Variants in EIF4EBP1 observed in about 807,000 individuals in gnomAD.
The protein encoded by EIF4EBP1 is eukaryotic translation initiation factor 4E binding protein 1.
A neutral mutation model predicts 9.2 loss-of-function variants in EIF4EBP1; 5 were observed. The ratio of observed to expected loss-of-function variants is 0.54; its 90% CI spans 0.28 to 1.14. The LOEUF (loss-of-function observed/expected upper bound fraction) is 1.14. Among genes scored for constraint, EIF4EBP1 ranks in the 50% most tolerant of loss-of-function variants. The probability of loss-of-function intolerance (pLI) is 0.09; values close to 1 mark genes in which losing one functional copy is unlikely to be tolerated. For missense variants in EIF4EBP1, 139 were observed against 169.6 expected, an observed-to-expected ratio of 0.82 and a Z score of 1.00; for synonymous variants, 62 against 67.0, an observed-to-expected ratio of 0.93 and a Z score of 0.36.
intron 1 of EIF4EBP1, among the ~76,000 whole-genome samples, chr8:38,052,503 C>T (rs1368370592): frequency 2.0e-5 from 3 of 151,982 alleles, no homozygotes; most frequent in African/African-American, 4.8e-5. Flanking sequence ...CCGAGGCAGG[C>T]GGATCACCTG....
chr8:38,057,986 A>G (rs1018653186), intron 2 of EIF4EBP1, among the ~76,000 whole-genome samples: 2 of 151,982 alleles, frequency 1.3e-5, no homozygotes, highest in East Asian at 1.9e-4. Flanking sequence ...GAACCCGCCG[A>G]CCCTTCACCC....
intron 1 of EIF4EBP1, among the ~76,000 whole-genome samples, chr8:38,032,568 G>C (rs1174445812): frequency 6.6e-6 from 1 of 152,210 alleles, no homozygotes; most frequent in Non-Finnish European, 1.5e-5. Context: ...GGGAAGTGGG[G>C]AGTGGGCAGG....
At chr8:38,051,607 T>C (rs988373542) in intron 1 of EIF4EBP1, among the ~76,000 whole-genome samples, 11 of 152,124 alleles carry the variant, frequency 7.2e-5, no homozygotes, top group African/African-American at 2.2e-4. Context: ...ATATTTTTTT[T>C]TATTTTTTTG....
At position 38,037,183 on chromosome 8, in the gene EIF4EBP1, A is replaced by T. The variant is rs7009909; in HGVS notation, c.145+6465A>T. 4.4e-3 allele frequency among the ~76,000 whole-genome samples: 671 copies of T among 152,128 alleles called. 9 individuals carry two copies. Among genetic ancestry groups the T allele is most frequent in the African/African-American group, 0.015 (628 of 41,516 alleles). Reference sequence around the variant, plus strand: ...GTTTGTTCCCTAGGTTAGCCAGGAAATTTTTTCTGAGCAGTCTTACTCATC... The same window carrying T: ...GTTTGTTCCCTAGGTTAGCCAGGAATTTTTTTCTGAGCAGTCTTACTCATC... On this transcript the variant is annotated intron_variant, in intron 1 of 2. Transcript: ENST00000338825.
chr8:38,039,017 T>G (rs1243724706), intron 1 of EIF4EBP1, among the ~76,000 whole-genome samples: 1 of 151,552 alleles, frequency 6.6e-6, no homozygotes, highest in African/African-American at 2.4e-5. Flanking sequence ...CTCAGCCTCC[T>G]GAGTAGCTGG....
intron 1 of EIF4EBP1, among the ~76,000 whole-genome samples, chr8:38,051,744 G>A (rs1404964926): frequency 6.6e-6 from 1 of 152,102 alleles, no homozygotes; most frequent in Non-Finnish European, 1.5e-5. Flanking sequence ...GATTAGGTGT[G>A]TGCCACCATG....
chr8:38,047,352 T>C (rs1809460817), intron 1 of EIF4EBP1: 1 of 152,148 alleles, frequency 6.6e-6, no homozygotes, highest in African/African-American at 2.4e-5. Flanking sequence ...ACACCTACTT[T>C]CAGGAAAAAA....
At position 38,037,859 on chromosome 8, in the gene EIF4EBP1, A is replaced by G. The variant is rs138840995; in HGVS notation, c.145+7141A>G. Among the ~76,000 whole-genome samples, 1,474 of 151,776 alleles carry G rather than the reference A, an allele frequency of 9.7e-3. 25 individuals carry two copies. Among genetic ancestry groups the G allele is most frequent in the African/African-American group, 0.034 (1,399 of 41,406 alleles). Reference sequence around the variant, plus strand: ...CACGATCATGCCTCACTGCAGTCTCAACCCCCTGAGCTCAGGTGATCCTTT... The same window carrying G: ...CACGATCATGCCTCACTGCAGTCTCGACCCCCTGAGCTCAGGTGATCCTTT... On this transcript the variant is annotated intron_variant, in intron 1 of 2. Transcript: ENST00000338825.
chr8:38,054,900 G>A (rs1454455421), intron 1 of EIF4EBP1, among the ~76,000 whole-genome samples: 2 of 152,136 alleles, frequency 1.3e-5, no homozygotes, highest in Non-Finnish European at 2.9e-5. Context: ...AAAACAGGGG[G>A]TGCAAGGAGC....
chr8:38,046,449 G>A (rs1436301047), intron 1 of EIF4EBP1, among the ~76,000 whole-genome samples: 2 of 152,148 alleles, frequency 1.3e-5, no homozygotes, highest in African/African-American at 4.8e-5. Context: ...CTAAAAAGGA[G>A]GGAGGACACC....
intron 1 of EIF4EBP1, among the ~76,000 whole-genome samples, chr8:38,043,905 C>A (rs184464023): frequency 1.8e-4 from 27 of 152,200 alleles, no homozygotes; most frequent in African/African-American, 6.5e-4. Context: ...AATAGACCAT[C>A]CAGCCAGAAA....
chr8:38,037,660 A>G (rs192257456), intron 1 of EIF4EBP1, among the ~76,000 whole-genome samples: 27 of 152,162 alleles, frequency 1.8e-4, no homozygotes, highest in African/African-American at 6.5e-4. Flanking sequence ...CCGCTGGCTT[A>G]ATGATGACGT....
At chr8:38,034,248 G>A (rs1273198384) in intron 1 of EIF4EBP1, among the ~76,000 whole-genome samples, 1 of 151,532 alleles carries the variant, frequency 6.6e-6, no homozygotes, top group East Asian at 1.9e-4. Context: ...GGGTCTCTAT[G>A]TATTACCCAG....
chr8:38,043,963 G>T (rs1809417350), intron 1 of EIF4EBP1, among the ~76,000 whole-genome samples: 1 of 152,070 alleles, frequency 6.6e-6, no homozygotes, highest in African/African-American at 2.4e-5. Flanking sequence ...TGGCGAGGAG[G>T]GAGGGAAGAC....
At chr8:38,035,954 G>A (rs562278482) in intron 1 of EIF4EBP1, among the ~76,000 whole-genome samples, 6 of 151,456 alleles carry the variant, frequency 4.0e-5, no homozygotes, top group South Asian at 2.1e-4. Context: ...TGATCCGCCC[G>A]CCTCAGCCTC....
intron 1 of EIF4EBP1, among the ~76,000 whole-genome samples, chr8:38,031,940 A>C (rs1244345097): frequency 6.6e-6 from 1 of 152,230 alleles, no homozygotes; most frequent in African/African-American, 2.4e-5. Flanking sequence ...ATTAGAAATG[A>C]GCCAAGGAAA....
chr8:38,059,613 G>A (rs1382710099), intron 2 of EIF4EBP1, among the ~76,000 whole-genome samples: 3 of 151,938 alleles, frequency 2.0e-5, no homozygotes, highest in Admixed American at 6.6e-5. Flanking sequence ...TTAGCTGGGT[G>A]TGGTGGTGGG....
chr8:38,032,754 A>C (rs1441425965), intron 1 of EIF4EBP1, among the ~76,000 whole-genome samples: 1 of 152,224 alleles, frequency 6.6e-6, no homozygotes, highest in South Asian at 2.1e-4. Context: ...GAGCAGGTAC[A>C]GCTCACAGTC....
intron 1 of EIF4EBP1, among the ~76,000 whole-genome samples, 198 bp from the exon 2 acceptor site, chr8:38,056,883 G>A (rs915222463): frequency 1.3e-5 from 2 of 151,978 alleles, no homozygotes; most frequent in Non-Finnish European, 2.9e-5. Flanking sequence ...GGCTGGTCTC[G>A]AACTCCTGAC....
Sources: gnomAD v4.1 joint callset for allele counts (sites outside exome capture counted in the v4.1 genomes callset) on GRCh38, gnomAD v4.1.1 for gene constraint, MANE v1.5 for transcripts, NCBI Gene and HGNC (gene_info 2026-07-23, HGNC 2026-07-21) for gene names.